The following DMD variants were observed in gnomAD, a reference collection of about 807,000 sequenced individuals.
DMD encodes dystrophin, also known as mutant dystrophin.
DMD carries 63 observed loss-of-function variants against 330.1 expected under a neutral mutation model. The observed-to-expected ratio is 0.19, with a 90% CI of 0.16 to 0.24. The LOEUF is 0.24. DMD is among the 10% of genes least tolerant of loss of function. The pLI, the probability that DMD is intolerant of heterozygous loss-of-function variation, is 1.00. For synonymous variants in DMD, 1,223 were observed against 959.8 expected (o/e 1.27, Z -5.07); for missense variants, 3,344 against 2,684.1 (o/e 1.25, Z -5.43).
intron 60 of DMD, among the ~76,000 whole-genome samples, chrX:31,398,931 T>G (rs973756908): frequency 1.8e-5 from 2 of 111,703 alleles, no homozygotes; most frequent in Non-Finnish European, 3.8e-5. Context: ...GGTGAGCAGG[T>G]GCAGCAGCTG....
chrX:31,802,682 G>A (rs912666488), intron 50 of DMD, among the ~76,000 whole-genome samples: 10 of 111,819 alleles, frequency 8.9e-5, no homozygotes, highest in African/African-American at 3.3e-4. Context: ...ATCAGGGGAA[G>A]GTCATGCATT....
intron 2 of DMD, among the ~76,000 whole-genome samples, chrX:32,934,122 T>C (rs766875162): frequency 2.7e-5 from 3 of 111,977 alleles, no homozygotes; most frequent in South Asian, 7.4e-4. Flanking sequence ...TGAATATTGG[T>C]AGTCATCATC....
intron 68 of DMD, among the ~76,000 whole-genome samples, chrX:31,181,470 C>G (rs943942031): frequency 1.3e-4 from 14 of 111,392 alleles, no homozygotes; most frequent in African/African-American, 4.6e-4. Flanking sequence ...ATACAAAGCC[C>G]ACTAGCTAAG....
At chrX:31,240,555 C>T (rs766359753) in intron 63 of DMD, among the ~76,000 whole-genome samples, 13 of 111,104 alleles carry the variant, frequency 1.2e-4, no homozygotes, top group South Asian at 3.9e-4. Context: ...TAGCTTCACC[C>T]GCTGTCCTTC....
intron 21 of DMD, among the ~76,000 whole-genome samples, chrX:32,480,984 T>A (rs960273951): frequency 9.0e-6 from 1 of 111,045 alleles, no homozygotes; most frequent in Non-Finnish European, 1.9e-5. Flanking sequence ...ATAAAAAATT[T>A]AAAATTTTAA....
intron 61 of DMD, among the ~76,000 whole-genome samples, chrX:31,329,386 T>C (rs1292189768): frequency 9.0e-6 from 1 of 111,492 alleles, no homozygotes; most frequent in Non-Finnish European, 1.9e-5. Context: ...GTTCCTACCA[T>C]TGGTGACAAT....
intron 62 of DMD, among the ~76,000 whole-genome samples, chrX:31,308,711 C>T (rs1224587184): frequency 9.0e-6 from 1 of 110,563 alleles, no homozygotes; most frequent in African/African-American, 3.3e-5. Flanking sequence ...TGTGCCGTGC[C>T]ATCTATTTTT....
chrX:32,011,919 T>C (rs2095711888), intron 44 of DMD, among the ~76,000 whole-genome samples: 1 of 112,104 alleles, frequency 8.9e-6, no homozygotes, highest in South Asian at 3.7e-4. Flanking sequence ...TTTTTCTTCA[T>C]AGTACTACTA....
At chrX:31,133,093 CTG>C (rs1364007241) in intron 77 of DMD, among the ~76,000 whole-genome samples, 1 of 111,839 alleles carries the variant, frequency 8.9e-6, no homozygotes, top group Non-Finnish European at 1.9e-5. Context: ...TTAACTGACA[CTG>C]AACAAAAAGA....
rs148089800 is a variant in DMD, at chrX:32,138,135, T to C, written c.6438+78781A>G. The stretch of plus-strand genomic sequence containing the variant: ...TTGGAGACAAGAGCAGAAATTTTGA[T>C]TCCACAAAGCTGTTTGATTAGGCCT... On this transcript the variant is annotated intron_variant, in intron 44 of 78. Coordinates refer to ENST00000357033, the MANE Select transcript of DMD (RefSeq NM_004006.3). 4.7e-3 allele frequency among the ~76,000 whole-genome samples: 525 copies of C among 110,880 alleles called. 4 individuals carry two copies. Among genetic ancestry groups the C allele is most frequent in the African/African-American group, 0.016 (492 of 30,443 alleles).
intron 67 of DMD, among the ~76,000 whole-genome samples, chrX:31,185,913 T>C (rs1016019505): frequency 3.6e-5 from 4 of 112,220 alleles, no homozygotes; most frequent in African/African-American, 1.3e-4. Flanking sequence ...GCATTACTTA[T>C]TCCACAGCCA....
intron 2 of DMD, among the ~76,000 whole-genome samples, chrX:32,868,303 C>G (rs944221121): frequency 5.4e-5 from 6 of 111,882 alleles, no homozygotes; most frequent in African/African-American, 2.0e-4. Flanking sequence ...GCAGGCCACT[C>G]GGATGGAGAC....
intron 1 of DMD, among the ~76,000 whole-genome samples, chrX:33,086,258 C>G (rs755283329): frequency 9.0e-5 from 10 of 111,722 alleles, no homozygotes; most frequent in African/African-American, 3.2e-4. Flanking sequence ...GTTTGCTATA[C>G]AGAAAGAGAA....
intron 28 of DMD, among the ~76,000 whole-genome samples, chrX:32,440,730 C>A (rs777332312): frequency 9.7e-4 from 108 of 111,635 alleles, no homozygotes; most frequent in African/African-American, 3.2e-3. Flanking sequence ...TAAAGCATAT[C>A]CATTTAATAA....
chrX:32,325,929 T>C (rs773162698), intron 41 of DMD, among the ~76,000 whole-genome samples: 4 of 110,413 alleles, frequency 3.6e-5, no homozygotes, highest in African/African-American at 9.9e-5. Flanking sequence ...ATTAAATAAG[T>C]ATCACTAATG....
intron 59 of DMD, among the ~76,000 whole-genome samples, chrX:31,475,648 T>C (rs767042537): frequency 1.2e-4 from 14 of 112,291 alleles, no homozygotes; most frequent in African/African-American, 4.5e-4. Context: ...GCTTTTAAAA[T>C]ACTAGGTAAT....
At chrX:32,745,207 G>A (rs1350606788) in intron 7 of DMD, among the ~76,000 whole-genome samples, 1 of 112,297 alleles carries the variant, frequency 8.9e-6, no homozygotes, top group Non-Finnish European at 1.9e-5. Context: ...TGTTTGTTCA[G>A]CCCATGAATG....
rs72176984 is a variant in DMD, at chrX:31,242,262, CAAAAAA to C, written c.9286+18687_9286+18692del. Reference sequence around the variant, plus strand: ...CAAAGTGAGACCCTGTCTCAAAAAGCAAAAAAAAAAAAAAAAAAAAAAAAAAAAATC... The same window carrying C: ...CAAAGTGAGACCCTGTCTCAAAAAGCAAAAAAAAAAAAAAAAAAAAAAATC... On this transcript the variant is annotated intron_variant, in intron 63 of 78. Transcript: ENST00000357033. 2.0e-4 allele frequency among the ~76,000 whole-genome samples: 5 copies of C among 24,649 alleles called. No homozygotes were observed. The Admixed American group carries it at 2.4e-3, about 12-fold the overall frequency. 21.4% of individuals were successfully genotyped at this position (24,649 alleles called of 115,157 possible).
At chrX:31,799,699 C>A (rs968478236) in intron 50 of DMD, among the ~76,000 whole-genome samples, 1 of 111,703 alleles carries the variant, frequency 9.0e-6, no homozygotes, top group East Asian at 2.8e-4. Context: ...CCCAAAAGTC[C>A]AAGTCCAAAG....
Sources: gnomAD v4.1 joint callset for allele counts (sites outside exome capture counted in the v4.1 genomes callset) on GRCh38, gnomAD v4.1.1 for gene constraint, MANE v1.5 for transcripts, NCBI Gene and HGNC (gene_info 2026-07-23, HGNC 2026-07-21) for gene names.